Variants in AVEN observed in about 807,000 individuals in gnomAD.
AVEN encodes the protein cell death regulator Aven.
In AVEN, 41 loss-of-function variants were observed where a neutral mutation model predicts 38.1. The ratio of observed to expected loss-of-function variants is 1.08; its 90% CI spans 0.84 to 1.40. The LOEUF is 1.40. AVEN is among the 40% of genes most tolerant of loss of function. The pLI is 0.00. For synonymous variants in AVEN, 206 were observed against 171.8 expected (o/e 1.20, Z -1.56); for missense variants, 605 against 438.8 (o/e 1.38, Z -3.38).
intron 2 of AVEN, among the ~76,000 whole-genome samples, chr15:33,975,633 T>C (rs1895851106): frequency 2.0e-5 from 3 of 152,138 alleles, no homozygotes; most frequent in South Asian, 4.1e-4. Context: ...CAGAATTTGT[T>C]AGAAATACCA....
chr15:33,896,266 G>C (rs1892228888), intron 2 of AVEN, among the ~76,000 whole-genome samples: 1 of 152,128 alleles, frequency 6.6e-6, no homozygotes, highest in Non-Finnish European at 1.5e-5. Flanking sequence ...AGAATGATCA[G>C]TCAATCAAAA....
intron 2 of AVEN, among the ~76,000 whole-genome samples, chr15:33,981,779 T>C (rs1223321722): frequency 6.6e-6 from 1 of 152,212 alleles, no homozygotes; most frequent in African/African-American, 2.4e-5. Context: ...CTATTTTGAA[T>C]TTAAACAAAA....
intron 4 of AVEN, chr15:34,064,049 G>A: frequency 6.2e-7 from 1 of 1,614,164 alleles, no homozygotes; most frequent in Non-Finnish European, 8.5e-7. Flanking sequence ...CCCAGACACT[G>A]AGTGCCATTC....
intron 1 of AVEN, among the ~76,000 whole-genome samples, chr15:34,071,091 G>A (rs142742302): frequency 1.3e-5 from 2 of 152,104 alleles, no homozygotes; most frequent in African/African-American, 4.8e-5. Flanking sequence ...ATGCCTTCAT[G>A]CTCCTGCTAA....
intron 1 of AVEN, among the ~76,000 whole-genome samples, chr15:34,028,168 A>G (rs550496416): frequency 6.6e-6 from 1 of 152,370 alleles, no homozygotes; most frequent in Non-Finnish European, 1.5e-5. Flanking sequence ...TAATGAAGAA[A>G]GATAATACAT....
chr15:34,044,145 T>A (rs1899594405), upstream of AVEN, among the ~76,000 whole-genome samples: 1 of 151,928 alleles, frequency 6.6e-6, no homozygotes, highest in African/African-American at 2.4e-5. Context: ...AACTTCTGCA[T>A]CATTTCTCTA....
intron 2 of AVEN, among the ~76,000 whole-genome samples, chr15:33,915,688 A>AT (rs1006994235): frequency 9.9e-5 from 15 of 152,182 alleles, no homozygotes; most frequent in African/African-American, 3.6e-4. Flanking sequence ...AGAGGGGATG[A>AT]ATCAGGAGTG....
At chr15:34,041,607 C>A (rs1899479225), upstream of AVEN, among the ~76,000 whole-genome samples, 1 of 152,190 alleles carries the variant, frequency 6.6e-6, no homozygotes, top group South Asian at 2.1e-4. Context: ...GTGTAAGACT[C>A]AGTAACACTT....
intron 2 of AVEN, among the ~76,000 whole-genome samples, chr15:33,893,908 C>T (rs1441910166): frequency 4.0e-5 from 6 of 150,606 alleles, no homozygotes; most frequent in African/African-American, 9.7e-5. Context: ...CAAGGCTTTT[C>T]AAACAGAAAA....
At chr15:33,948,660 G>C (rs368618890) in intron 2 of AVEN, among the ~76,000 whole-genome samples, 3 of 152,062 alleles carry the variant, frequency 2.0e-5, no homozygotes, top group Admixed American at 6.6e-5. Flanking sequence ...AATAAGGTAT[G>C]GTTTTTGAAG....
At chr15:33,932,757 G>A (rs1893895553) in intron 2 of AVEN, among the ~76,000 whole-genome samples, 1 of 152,048 alleles carries the variant, frequency 6.6e-6, no homozygotes, top group African/African-American at 2.4e-5. Context: ...CCCTAGAGAT[G>A]GAGGTTGCAG....
Position 33,982,622 on chromosome 15 carries a change from AT to A in AVEN, c.445+20409del, listed in dbSNP as rs1323689202. Among the ~76,000 whole-genome samples, 4 of 152,314 alleles carry A rather than the reference AT, an allele frequency of 2.6e-5. No homozygotes were observed. The East Asian group carries it at 7.7e-4, about 29-fold the overall frequency. On this transcript the variant is annotated intron_variant, in intron 2 of 5. Transcript: ENST00000306730. The stretch of plus-strand genomic sequence containing the variant: ...TTAAATGCTATAAATGTTTACCCAT[AT>A]CTACCACTGCACTGACTCAAAATTT...
At chr15:33,923,319 A>C (rs915541191) in intron 2 of AVEN, among the ~76,000 whole-genome samples, 34 of 152,224 alleles carry the variant, frequency 2.2e-4, no homozygotes, top group African/African-American at 7.7e-4. Flanking sequence ...CTATAATTTT[A>C]ATAATCATAT....
At chr15:34,068,451 C>T (rs1343848901) in intron 2 of AVEN, among the ~76,000 whole-genome samples, 1 of 152,070 alleles carries the variant, frequency 6.6e-6, no homozygotes, top group East Asian at 1.9e-4. Flanking sequence ...AGGCAATCCA[C>T]CCGATTTGGC....
intron 5 of AVEN, among the ~76,000 whole-genome samples, chr15:34,044,626 T>G (rs929194455): frequency 1.3e-5 from 2 of 152,206 alleles, no homozygotes; most frequent in Non-Finnish European, 2.9e-5. Flanking sequence ...AAGACAATAC[T>G]GCTCCCAACA....
intron 2 of AVEN, among the ~76,000 whole-genome samples, chr15:33,880,629 A>T (rs1891444173): frequency 6.6e-6 from 1 of 152,224 alleles, no homozygotes; most frequent in South Asian, 2.1e-4. Context: ...TTTGGAGGAA[A>T]ATGACACTAT....
intron 11 of AVEN, among the ~76,000 whole-genome samples, chr15:33,859,918 G>C (rs1360174233): frequency 6.6e-6 from 1 of 152,114 alleles, no homozygotes; most frequent in Non-Finnish European, 1.5e-5. Context: ...TACACACCCA[G>C]GCACAGTTAT....
intron 4 of AVEN, chr15:34,065,444 CAG>C (rs988265576): frequency 6.0e-4 from 92 of 152,306 alleles, no homozygotes; most frequent in African/African-American, 2.1e-3. Flanking sequence ...TGCCTCCAAG[CAG>C]GGGGTTGTGG....
chr15:34,042,637 A>G (rs890113509), upstream of AVEN, among the ~76,000 whole-genome samples: 6 of 151,916 alleles, frequency 3.9e-5, no homozygotes, highest in African/African-American at 1.4e-4. Context: ...TCCCGACCTC[A>G]GGTGATCCAT....
Sources: gnomAD v4.1 joint callset for allele counts (sites outside exome capture counted in the v4.1 genomes callset) on GRCh38, gnomAD v4.1.1 for gene constraint, MANE v1.5 for transcripts, NCBI Gene and HGNC (gene_info 2026-07-23, HGNC 2026-07-21) for gene names.